Variants in MYO1B observed in about 807,000 individuals in gnomAD.
The protein encoded by MYO1B is unconventional myosin-Ib.
A neutral mutation model predicts 159.7 loss-of-function variants in MYO1B; 72 were observed. The observed-to-expected ratio is 0.45, with a 90% CI of 0.37 to 0.55. MYO1B has a LOEUF of 0.55. Ranked by LOEUF, MYO1B falls within the 20% of genes least tolerant of loss-of-function variation. The probability of loss-of-function intolerance (pLI) is 0.00; values close to 1 mark genes in which losing one functional copy is unlikely to be tolerated. For synonymous variants in MYO1B, 468 were observed against 473.8 expected (o/e 0.99, Z 0.16); for missense variants, 1,062 against 1,364.8 (o/e 0.78, Z 3.50).
chr2:191,364,426 A>G, intron 11 of MYO1B, 150 bp downstream of exon 11: 2 of 632,554 alleles, frequency 3.2e-6, no homozygotes, highest in Non-Finnish European at 5.5e-6. Flanking sequence ...TAAACAGATA[A>G]GGATCCCTGC....
Position 191,335,670 on chromosome 2 carries a change from G to C in MYO1B, c.346+5641G>C, listed in dbSNP as rs556344015. Among the ~76,000 whole-genome samples, 20 of 152,274 alleles carry C rather than the reference G, an allele frequency of 1.3e-4. No homozygotes were observed. In the East Asian group the frequency reaches 3.9e-3, roughly 29 times the overall value. The stretch of plus-strand genomic sequence containing the variant: ...ATGATTAACATTTATTGAAGGCCTG[G>C]AATGTGCTGTGTGCTTGACATATAA... On this transcript the variant is annotated intron_variant, in intron 4 of 30. Transcript: ENST00000392318.
At position 191,386,017 on chromosome 2, in the gene MYO1B, G is replaced by T; in HGVS notation, c.1487G>T (p.Cys496Phe). 6.2e-7 allele frequency: 1 copy of T among 1,614,112 alleles called. No homozygotes were observed. Among genetic ancestry groups the T allele is most frequent in the Non-Finnish European group, 8.5e-7 (1 of 1,179,998 alleles). Residue 496 changes from cysteine (C) to phenylalanine (F), a missense_variant, in exon 16 of 31, where the codon TGC becomes TTC. Physicochemically the swap from Cys to Phe is radical, Grantham distance 205. Transcript: ENST00000392318. ...HQHFESRMSK[C>F]SRFLNDTSLP... ...CATTTTGAGAGCAGGATGAGCAAGT[G>T]CTCTCGGTTCCTCAATGACACGTCT...
At chr2:191,375,810 T>C (rs529440338) in intron 13 of MYO1B, among the ~76,000 whole-genome samples, 85 of 152,048 alleles carry the variant, frequency 5.6e-4, no homozygotes, top group African/African-American at 1.9e-3. Flanking sequence ...AATACAAAAA[T>C]TATCCAGGCA....
At chr2:191,262,295 C>T (rs976048362) in intron 1 of MYO1B, among the ~76,000 whole-genome samples, 1 of 152,124 alleles carries the variant, frequency 6.6e-6, no homozygotes, top group Non-Finnish European at 1.5e-5. Context: ...TGCCGCCCCC[C>T]CTCCTCCCCA....
In MYO1B at chr2:191,395,204, A is replaced by G. The variant is rs532592807; in HGVS notation, c.2227-1225A>G. Among the ~76,000 whole-genome samples the G allele has an allele frequency of 6.6e-5, 10 of 152,318 alleles. No homozygotes were observed. The East Asian group carries it at 1.9e-3, about 29-fold the overall frequency. Reference sequence around the variant, plus strand: ...TGTCAGAATGATGGTCAGATACTGTAGCTGTTCTACAGCTACATCTGTGGA... The same window carrying G: ...TGTCAGAATGATGGTCAGATACTGTGGCTGTTCTACAGCTACATCTGTGGA... On this transcript the variant is annotated intron_variant, in intron 20 of 30. Coordinates refer to ENST00000392318, the MANE Select transcript of MYO1B (RefSeq NM_001130158.3).
chr2:191,313,132 A>G (rs901752029), intron 3 of MYO1B, among the ~76,000 whole-genome samples: 4 of 146,710 alleles, frequency 2.7e-5, no homozygotes, highest in Admixed American at 1.4e-4. Flanking sequence ...TCTCCTAAAA[A>G]TGGTTACTCA....
At chr2:191,409,803 G>A (rs1697152237) in intron 26 of MYO1B, among the ~76,000 whole-genome samples, 1 of 152,172 alleles carries the variant, frequency 6.6e-6, no homozygotes, top group South Asian at 2.1e-4. Flanking sequence ...AACACGTGGG[G>A]CACTTGTATA....
chr2:191,283,726 T>C (rs1688199576), intron 2 of MYO1B, among the ~76,000 whole-genome samples: 1 of 152,218 alleles, frequency 6.6e-6, no homozygotes, highest in African/African-American at 2.4e-5. Flanking sequence ...GCAGAGTCCA[T>C]GCTCTTAATG....
At chr2:191,411,454 G>T (rs570800530) in intron 27 of MYO1B, among the ~76,000 whole-genome samples, 4 of 152,220 alleles carry the variant, frequency 2.6e-5, no homozygotes, top group African/African-American at 7.2e-5. Flanking sequence ...AATTATATAG[G>T]CTGTTAAGAT....
At chr2:191,272,165 G>A (rs892098257) in intron 1 of MYO1B, among the ~76,000 whole-genome samples, 4 of 152,162 alleles carry the variant, frequency 2.6e-5, no homozygotes, top group African/African-American at 9.7e-5. Context: ...GATAGGGGAA[G>A]GAACAATTGC....
At chr2:191,247,595 GCAAAA>G (rs1406319363) in intron 1 of MYO1B, among the ~76,000 whole-genome samples, 1 of 152,224 alleles carries the variant, frequency 6.6e-6, no homozygotes, top group East Asian at 1.9e-4. Context: ...ACACTGCCTG[GCAAAA>G]CGTTGTGCTA....
intron 2 of MYO1B, among the ~76,000 whole-genome samples, chr2:191,287,057 G>C (rs1189198493): frequency 2.6e-5 from 4 of 152,130 alleles, no homozygotes; most frequent in African/African-American, 9.7e-5. Flanking sequence ...TCCTGATTTG[G>C]CTCTTTACAG....
intron 1 of MYO1B, among the ~76,000 whole-genome samples, chr2:191,275,644 A>T (rs563098172): frequency 1.3e-5 from 2 of 152,350 alleles, no homozygotes; most frequent in East Asian, 3.9e-4. Flanking sequence ...CTTAATAGGA[A>T]GAATCAAATG....
chr2:191,283,211 G>C (rs766277759), intron 2 of MYO1B, among the ~76,000 whole-genome samples: 21 of 152,192 alleles, frequency 1.4e-4, no homozygotes, highest in Non-Finnish European at 2.9e-4. Flanking sequence ...CATATTTGTT[G>C]CTTACCAAAC....
chr2:191,381,060 G>T (rs537233663), intron 13 of MYO1B: 3 of 327,768 alleles, frequency 9.2e-6, no homozygotes, highest in Admixed American at 4.3e-5. Context: ...TAAGGGGTCA[G>T]TTCAGGGGGA....
intron 1 of MYO1B, among the ~76,000 whole-genome samples, chr2:191,267,287 A>C (rs991441871): frequency 2.0e-5 from 3 of 152,104 alleles, no homozygotes; most frequent in African/African-American, 7.2e-5. Context: ...TGGTAATTTC[A>C]TGTCCTTTGT....
chr2:191,364,143 C>T lies in MYO1B; in HGVS notation c.914-15C>T, dbSNP rs769121003. Reference sequence around the variant, plus strand: ...GTACAGTCACTTTTTGTGTCCATCCCCTGCCTTCCCACAGAGTTAAAAGAA... The same window carrying T: ...GTACAGTCACTTTTTGTGTCCATCCTCTGCCTTCCCACAGAGTTAAAAGAA... On this transcript the variant is annotated splice_polypyrimidine_tract_variant and intron_variant, in intron 10 of 30. Transcript: ENST00000392318. 1 of 1,604,600 alleles carries T rather than the reference C, an allele frequency of 6.2e-7. No homozygotes were observed. Among genetic ancestry groups the T allele is most frequent in the Non-Finnish European group, 8.5e-7 (1 of 1,171,738 alleles).
At position 191,259,495 on chromosome 2, in the gene MYO1B, T is replaced by G. The variant is rs191199133; in HGVS notation, c.-10+13869T>G. ...ACATTTTCTATATTGCTACATAGTA[T>G]TTGAAATAAATTTTATAGTTGTGTA... is the stretch of plus-strand genomic sequence containing the variant. On this transcript the variant is annotated intron_variant, in intron 1 of 30. Transcript: ENST00000392318. Among the ~76,000 whole-genome samples, 332 of 152,374 alleles carry G rather than the reference T, an allele frequency of 2.2e-3. 4 individuals are homozygous for G. Among genetic ancestry groups the G allele is most frequent in the Middle Eastern group, 0.01 (3 of 294 alleles).
chr2:191,354,616 A>C (rs1187704020), intron 7 of MYO1B, among the ~76,000 whole-genome samples: 1 of 151,884 alleles, frequency 6.6e-6, no homozygotes, highest in East Asian at 1.9e-4. Context: ...CTGCCTGACA[A>C]CCCCCCGCCC....
Sources: allele counts gnomAD v4.1 joint callset (sites outside exome capture counted in the v4.1 genomes callset), GRCh38; gene constraint gnomAD v4.1.1; transcripts MANE v1.5; gene names NCBI Gene and HGNC (gene_info 2026-07-23, HGNC 2026-07-21).